OR6N1: variants seen among roughly 807,000 people sequenced by gnomAD.
The protein encoded by OR6N1 is olfactory receptor family 6 subfamily N member 1.
For missense variants in OR6N1, 394 were observed against 371.7 expected (o/e 1.06, Z -0.49); for synonymous variants, 170 against 150.7 (o/e 1.13, Z -0.94).
At chr1:158,810,989 A>G in the OR6N1 span, among the ~76,000 whole-genome samples, 7 of 152,140 alleles carry the variant, frequency 4.6e-5, no homozygotes, top group Non-Finnish European at 1.0e-4. Flanking sequence ...CCAGGTATTA[A>G]GCCTAGTACC....
chr1:158,784,412 C>T, the OR6N1 span, among the ~76,000 whole-genome samples: 1 of 152,122 alleles, frequency 6.6e-6, no homozygotes, highest in Non-Finnish European at 1.5e-5. Context: ...TGTAACATTT[C>T]TTTATGGTGA....
At chr1:158,798,263 A>T in the OR6N1 span, among the ~76,000 whole-genome samples, 1 of 150,894 alleles carries the variant, frequency 6.6e-6, no homozygotes, top group Non-Finnish European at 1.5e-5. Flanking sequence ...CTGCTCCCAG[A>T]TTTTTTCTTA....
chr1:158,831,600 T>C, the OR6N1 span: 1 of 152,200 alleles, frequency 6.6e-6, no homozygotes, highest in African/African-American at 2.4e-5. Flanking sequence ...TCTAGGTATC[T>C]AGTTGGTAAC....
the OR6N1 span, among the ~76,000 whole-genome samples, chr1:158,827,432 C>T: frequency 1.5e-3 from 234 of 152,272 alleles, 1 homozygote; most frequent in African/African-American, 5.3e-3. Context: ...AAATAATCAT[C>T]CATTTCCTGG....
the OR6N1 span, among the ~76,000 whole-genome samples, chr1:158,794,109 T>C: frequency 6.6e-6 from 1 of 152,188 alleles, no homozygotes; most frequent in East Asian, 1.9e-4. Context: ...CCTATGGGGA[T>C]GTGTCACATC....
At chr1:158,807,679 TC>T in the OR6N1 span, among the ~76,000 whole-genome samples, 40 of 152,324 alleles carry the variant, frequency 2.6e-4, no homozygotes, top group Non-Finnish European at 4.4e-4. Flanking sequence ...CATTTTAGAC[TC>T]CTTTTTGCCA....
At chr1:158,792,486 C>A in the OR6N1 span, among the ~76,000 whole-genome samples, 1 of 152,092 alleles carries the variant, frequency 6.6e-6, no homozygotes, top group African/African-American at 2.4e-5. Flanking sequence ...TTTATAAGCC[C>A]TTTAGGAGTT....
the OR6N1 span, among the ~76,000 whole-genome samples, chr1:158,818,378 G>A: frequency 6.6e-6 from 1 of 152,152 alleles, no homozygotes; most frequent in African/African-American, 2.4e-5. Context: ...TGGTCTGAAT[G>A]GGATTTAAAA....
chr1:158,785,949 C>A, the OR6N1 span, among the ~76,000 whole-genome samples: 1 of 151,938 alleles, frequency 6.6e-6, no homozygotes, highest in African/African-American at 2.4e-5. Context: ...CCCTCTAAAT[C>A]TCATGATCAT....
At chr1:158,812,738 C>A in the OR6N1 span, among the ~76,000 whole-genome samples, 1 of 152,008 alleles carries the variant, frequency 6.6e-6, no homozygotes, top group Non-Finnish European at 1.5e-5. Flanking sequence ...TATGGACAGA[C>A]TTATGTGTAA....
chr1:158,794,190 T>A, the OR6N1 span, among the ~76,000 whole-genome samples: 1 of 152,166 alleles, frequency 6.6e-6, no homozygotes, highest in Non-Finnish European at 1.5e-5. Flanking sequence ...TCAGCTTTGT[T>A]TGTAGTAGTA....
the OR6N1 span, among the ~76,000 whole-genome samples, chr1:158,792,444 C>A: frequency 6.6e-6 from 1 of 152,096 alleles, no homozygotes; most frequent in Admixed American, 6.5e-5. Flanking sequence ...CATGCTGTTA[C>A]CTAGTGACTG....
the OR6N1 span, chr1:158,809,159 C>T: frequency 2.0e-5 from 3 of 152,972 alleles, no homozygotes; most frequent in African/African-American, 7.2e-5. Flanking sequence ...TAAATAAGTA[C>T]ATGGGCGTGA....
At chr1:158,838,183 T>C in the OR6N1 span, among the ~76,000 whole-genome samples, 2 of 152,020 alleles carry the variant, frequency 1.3e-5, no homozygotes. Flanking sequence ...ATCAAGAACT[T>C]ACATTTTTGT....
At chr1:158,805,117 A>T in the OR6N1 span, among the ~76,000 whole-genome samples, 1 of 152,222 alleles carries the variant, frequency 6.6e-6, no homozygotes, top group Non-Finnish European at 1.5e-5. Context: ...TTGTTTGCCC[A>T]GTACAACTGT....
At chr1:158,812,307 A>G in the OR6N1 span, among the ~76,000 whole-genome samples, 1 of 152,266 alleles carries the variant, frequency 6.6e-6, no homozygotes, top group African/African-American at 2.4e-5. Context: ...TAAAAATTTA[A>G]CATTGTATAT....
At chr1:158,827,903 G>C in the OR6N1 span, among the ~76,000 whole-genome samples, 1 of 152,130 alleles carries the variant, frequency 6.6e-6, no homozygotes, top group Non-Finnish European at 1.5e-5. Context: ...CACATGGCTG[G>C]GGTGGCCTCA....
At chr1:158,829,577 A>G in the OR6N1 span, among the ~76,000 whole-genome samples, 2 of 152,164 alleles carry the variant, frequency 1.3e-5, no homozygotes, top group Admixed American at 1.3e-4. Context: ...AAGCCATTCA[A>G]CAAGTCTCTA....
chr1:158,827,333 T>C, the OR6N1 span, among the ~76,000 whole-genome samples: 36 of 152,358 alleles, frequency 2.4e-4, no homozygotes, highest in Middle Eastern at 0.017. Flanking sequence ...TGCAGGCTTC[T>C]ATTTAGACAC....
Sources: gnomAD v4.1 joint callset for allele counts (sites outside exome capture counted in the v4.1 genomes callset) on GRCh38, gnomAD v4.1.1 for gene constraint, MANE v1.5 for transcripts, NCBI Gene and HGNC (gene_info 2026-07-23, HGNC 2026-07-21) for gene names.